Variants in SLC67A1 observed in about 807,000 individuals in gnomAD.
SLC67A1 encodes the protein solute carrier family 67 member 1.
the SLC67A1 span, chr11:2,899,734 G>A: frequency 2.1e-6 from 3 of 1,445,710 alleles, no homozygotes; most frequent in Non-Finnish European, 9.1e-7. Context: ...AAAAAAAAAG[G>A]TCTCTCCGAT....
chr11:2,903,400 G>T, the SLC67A1 span: 2 of 1,612,938 alleles, frequency 1.2e-6, no homozygotes, highest in African/African-American at 1.3e-5. Context: ...CAGGATGAGC[G>T]CTCTAGGCCG....
the SLC67A1 span, chr11:2,903,571 A>G: frequency 6.6e-7 from 1 of 1,517,612 alleles, no homozygotes; most frequent in East Asian, 2.3e-5. Flanking sequence ...GCCGTCGCAG[A>G]GAGTGGGGGT....
At chr11:2,899,840 C>T in the SLC67A1 span, 1 of 919,226 alleles carries the variant, frequency 1.1e-6, no homozygotes, top group Non-Finnish European at 1.6e-6. Context: ...CACCTCAGCG[C>T]CAGAGGACCC....
the SLC67A1 span, chr11:2,922,420 C>T: frequency 6.2e-7 from 1 of 1,608,000 alleles, no homozygotes; most frequent in Non-Finnish European, 8.5e-7. Context: ...AGCTCGGCCC[C>T]CGCCTGCCGT....
chr11:2,918,297 G>A, the SLC67A1 span, among the ~76,000 whole-genome samples: 1 of 152,260 alleles, frequency 6.6e-6, no homozygotes, highest in African/African-American at 2.4e-5. Context: ...TCCCAGGGTG[G>A]GCCCCCACGG....
the SLC67A1 span, chr11:2,919,554 A>G: frequency 2.2e-4 from 138 of 639,482 alleles, no homozygotes; most frequent in South Asian, 1.1e-3. Flanking sequence ...GGAACCAGGC[A>G]TACAGGCCAG....
At chr11:2,902,590 G>T in the SLC67A1 span, 69 of 985,362 alleles carry the variant, frequency 7.0e-5, no homozygotes, top group Non-Finnish European at 7.8e-5. Context: ...GTACCTCGGG[G>T]CTCAGATGTG....
At chr11:2,925,039 C>T in the SLC67A1 span, 5 of 1,613,160 alleles carry the variant, frequency 3.1e-6, no homozygotes, top group Non-Finnish European at 3.4e-6. The surrounding 1 kb of genome is among the most constrained non-coding windows in gnomAD (Gnocchi z 6.5). Context: ...CGCCTCTGTA[C>T]AACCACTGCT....
At chr11:2,920,984 A>G in the SLC67A1 span, 102,955 of 150,760 alleles carry the variant, frequency 0.68, 35,611 homozygotes, top group East Asian at 0.98. Flanking sequence ...ACTTTGGGAG[A>G]CCGAGGCGGG....
At chr11:2,908,478 CAGA>C in the SLC67A1 span, 1 of 605,086 alleles carries the variant, frequency 1.7e-6, no homozygotes, top group South Asian at 2.0e-5. Context: ...GATGGGGGTG[CAGA>C]AGAACTTTGG....
At chr11:2,913,792 C>T in the SLC67A1 span, among the ~76,000 whole-genome samples, 1 of 152,216 alleles carries the variant, frequency 6.6e-6, no homozygotes, top group Non-Finnish European at 1.5e-5. Flanking sequence ...CATGCTGTCA[C>T]CTTGTGCGTC....
At chr11:2,917,315 G>T in the SLC67A1 span, among the ~76,000 whole-genome samples, 2 of 152,378 alleles carry the variant, frequency 1.3e-5, no homozygotes, top group African/African-American at 4.8e-5. Context: ...TAAGAGCCCA[G>T]CCTGGGCCAG....
At chr11:2,915,872 C>T in the SLC67A1 span, among the ~76,000 whole-genome samples, 8 of 152,358 alleles carry the variant, frequency 5.3e-5, no homozygotes, top group South Asian at 1.0e-3. Flanking sequence ...TGCCTCCGTC[C>T]CCAGGAGACA....
the SLC67A1 span, chr11:2,925,138 C>G: frequency 6.2e-7 from 1 of 1,613,900 alleles, no homozygotes; most frequent in Non-Finnish European, 8.5e-7. The surrounding 1 kb of genome is among the most constrained non-coding windows in gnomAD (Gnocchi z 6.5). Context: ...TATCAATACC[C>G]TTGTCCTCCT....
At chr11:2,919,551 G>C in the SLC67A1 span, 1 of 643,052 alleles carries the variant, frequency 1.6e-6, no homozygotes, top group African/African-American at 1.8e-5. Flanking sequence ...CAGGGAACCA[G>C]GCATACAGGC....
chr11:2,920,094 G>A, the SLC67A1 span: 2 of 151,078 alleles, frequency 1.3e-5, no homozygotes, highest in East Asian at 3.9e-4. Context: ...GGGGCGGGGG[G>A]GCTATTCTGG....
At chr11:2,905,555 T>A in the SLC67A1 span, among the ~76,000 whole-genome samples, 86 of 152,334 alleles carry the variant, frequency 5.6e-4, no homozygotes, top group Non-Finnish European at 1.0e-4. Flanking sequence ...ATGTGCCACA[T>A]TTTCTTAATC....
At chr11:2,922,414 C>G in the SLC67A1 span, 3 of 1,605,516 alleles carry the variant, frequency 1.9e-6, no homozygotes, top group Non-Finnish European at 2.5e-6. Flanking sequence ...CCACTCAGCT[C>G]GGCCCCCGCC....
the SLC67A1 span, chr11:2,921,109 T>C: frequency 6.7e-6 from 1 of 149,650 alleles, no homozygotes. Context: ...CAGGCACCTG[T>C]AGTCCCAGCT....
Sources: gnomAD v4.1 joint callset for allele counts (sites outside exome capture counted in the v4.1 genomes callset) on GRCh38, gnomAD v4.1.1 for gene constraint, Gnocchi (gnomAD v3.1) non-coding constraint, MANE v1.5 for transcripts, NCBI Gene and HGNC (gene_info 2026-07-23, HGNC 2026-07-21) for gene names.